SPATA13: variants seen among roughly 807,000 people sequenced by gnomAD.
SPATA13 encodes spermatogenesis associated 13.
In SPATA13, 50 loss-of-function variants were observed where a neutral mutation model predicts 104.0. That is an observed-to-expected ratio of 0.48 (90% confidence interval 0.38 to 0.61). The LOEUF is 0.61. SPATA13 is among the 20% of genes least tolerant of loss of function. The pLI, the probability that SPATA13 is intolerant of heterozygous loss-of-function variation, is 0.00. For synonymous variants in SPATA13, 606 were observed against 667.5 expected, an observed-to-expected ratio of 0.91 and a Z score of 1.42; for missense variants, 1,524 against 1,690.6, an observed-to-expected ratio of 0.90 and a Z score of 1.73.
At chr13:24,053,798 A>G (rs545613700) in intron 3 of SPATA13, among the ~76,000 whole-genome samples, 1 of 152,188 alleles carries the variant, frequency 6.6e-6, no homozygotes, top group African/African-American at 2.4e-5. Flanking sequence ...ACAACCCCTT[A>G]GTTTTCTTGA....
chr13:24,077,365 A>C (rs1216972313), intron 3 of SPATA13, among the ~76,000 whole-genome samples: 1 of 152,132 alleles, frequency 6.6e-6, no homozygotes, highest in African/African-American at 2.4e-5. Context: ...CTGAACCCAA[A>C]ATTGGGATCC....
intron 2 of SPATA13, among the ~76,000 whole-genome samples, chr13:24,229,421 G>A (rs1247137740): frequency 6.6e-6 from 1 of 152,122 alleles, no homozygotes; most frequent in African/African-American, 2.4e-5. Context: ...TCCTGCCGTG[G>A]GTCTTCTCAA....
At chr13:24,146,390 C>T (rs1267334293) in intron 3 of SPATA13, among the ~76,000 whole-genome samples, 3 of 152,198 alleles carry the variant, frequency 2.0e-5, no homozygotes, top group Admixed American at 1.3e-4. Flanking sequence ...GCCAGATCAC[C>T]GAGTACCCTT....
rs539225749 is a variant in SPATA13 at position 24,070,525 on chromosome 13, G to A, written c.-112+52824G>A. Among the ~76,000 whole-genome samples, 117 of 152,216 alleles carry A rather than the reference G, an allele frequency of 7.7e-4. 1 individual carries two copies. Among genetic ancestry groups the A allele is most frequent in the African/African-American group, 2.7e-3 (114 of 41,528 alleles). The stretch of plus-strand genomic sequence containing the variant: ...AGAACTTTACTGATTGATTAGCTTC[G>A]GCCTTACTTTGGGACTATGTGTTTA... On this transcript the variant is annotated intron_variant, in intron 3 of 14. Transcript: ENST00000424834.
In SPATA13 at chr13:24,284,143, G is replaced by A. The variant is rs755213595; in HGVS notation, c.2173G>A (p.Asp725Asn). The A allele has an allele frequency of 6.2e-7, 1 of 1,610,300 alleles. No homozygotes were observed. Among genetic ancestry groups the A allele is most frequent in the Non-Finnish European group, 8.5e-7 (1 of 1,177,266 alleles). ...RQMRASNVSS[D>N]GGTEPSALVD... ...TGTTTTGTATGTTTTAGTTTCTTCA[G>A]ATGGAGGTACTGAGCCCTCTGCCTT... Residue 725 changes from aspartate (D) to asparagine (N), a missense_variant, in exon 5 of 13, where the codon GAT (aspartate) becomes AAT (asparagine). Physicochemically the swap from Asp to Asn is conservative, Grantham distance 23 (BLOSUM62 1). Coordinates refer to ENST00000382108, the MANE Select transcript of SPATA13 (RefSeq NM_001166271.3).
chr13:24,007,037 G>A (rs1876264671), intron 2 of SPATA13, among the ~76,000 whole-genome samples: 1 of 152,200 alleles, frequency 6.6e-6, no homozygotes, highest in South Asian at 2.1e-4. Context: ...CAGTCTGAAG[G>A]CCAGCTTGTG....
upstream of SPATA13, among the ~76,000 whole-genome samples, chr13:24,159,544 G>C (rs970137718): frequency 2.0e-5 from 3 of 152,058 alleles, no homozygotes; most frequent in Non-Finnish European, 4.4e-5. Context: ...TCTTACATTC[G>C]AGTGGCACAT....
chr13:24,212,296 GAAAA>G (rs11288795), intron 1 of SPATA13, among the ~76,000 whole-genome samples: 56 of 134,294 alleles, frequency 4.2e-4, no homozygotes, highest in South Asian at 1.4e-3. Context: ...CCCTGTTTAA[GAAAA>G]AAAAAAAAAA....
At chr13:24,234,125 T>C (rs1365555578) in intron 2 of SPATA13, among the ~76,000 whole-genome samples, 1 of 152,188 alleles carries the variant, frequency 6.6e-6, no homozygotes, top group African/African-American at 2.4e-5. Flanking sequence ...TGCCAACTCT[T>C]ATAGAAATTA....
At chr13:24,052,603 G>A (rs543146760) in intron 3 of SPATA13, among the ~76,000 whole-genome samples, 1 of 151,864 alleles carries the variant, frequency 6.6e-6, no homozygotes, top group African/African-American at 2.4e-5. Context: ...TGAAAGCCAG[G>A]CTGTGGATAC....
At chr13:24,196,034 G>A (rs551021093) in intron 1 of SPATA13, among the ~76,000 whole-genome samples, 1 of 152,058 alleles carries the variant, frequency 6.6e-6, no homozygotes, top group Non-Finnish European at 1.5e-5. Context: ...CTTGATTTTT[G>A]TGCCTTAATT....
intron 3 of SPATA13, among the ~76,000 whole-genome samples, chr13:24,027,026 T>A (rs966590852): frequency 1.3e-4 from 20 of 152,122 alleles, no homozygotes; most frequent in Admixed American, 5.2e-4. Context: ...TTTGTATTTT[T>A]AAATATATAG....
In SPATA13 at chr13:24,251,863, G is replaced by A; in HGVS notation, c.2164+1G>A. On this transcript the variant is annotated splice_donor_variant, in intron 4 of 12. Transcript: ENST00000382108. LOFTEE classifies it high-confidence loss of function. ...CGGCGGCAGATGAGAGCATCCAACG[G>A]TGAGTCTCAGAGTCCCTTTCCTTTC... The A allele has an allele frequency of 1.2e-6, 2 of 1,613,144 alleles. No homozygotes were observed. Among genetic ancestry groups the A allele is most frequent in the Non-Finnish European group, 1.7e-6 (2 of 1,179,404 alleles).
At position 23,999,124 on chromosome 13, in the gene SPATA13, G is replaced by T. The variant is rs147804782; in HGVS notation, c.-147+15191G>T. Among the ~76,000 whole-genome samples, 144 of 151,984 alleles carry T rather than the reference G, an allele frequency of 9.5e-4. 2 individuals are homozygous for T. The East Asian group carries it at 0.027, about 29-fold the overall frequency. On this transcript the variant is annotated intron_variant, in intron 2 of 14. Coordinates refer to the SPATA13 transcript ENST00000424834. The stretch of plus-strand genomic sequence containing the variant: ...GTATTGTTAGTAGAGATGGGGTTTT[G>T]CCATGTTGGCCAGGCTGGTCTCGAA...
At chr13:24,201,552 T>C (rs962185576) in intron 1 of SPATA13, among the ~76,000 whole-genome samples, 1 of 152,190 alleles carries the variant, frequency 6.6e-6, no homozygotes, top group African/African-American at 2.4e-5. Context: ...GCGATTCTCC[T>C]GCCTCAGCCT....
intron 3 of SPATA13, among the ~76,000 whole-genome samples, chr13:24,021,569 ATGCCCAAGGAC>A (rs1364490852): frequency 6.6e-6 from 1 of 152,238 alleles, no homozygotes; most frequent in African/African-American, 2.4e-5. Flanking sequence ...TCAAACATAA[ATGCCCAAGGAC>A]TGACTTGTCT....
intron 2 of SPATA13, among the ~76,000 whole-genome samples, chr13:24,229,713 G>A (rs986536726): frequency 5.9e-5 from 9 of 152,086 alleles, no homozygotes; most frequent in African/African-American, 1.7e-4. Context: ...TAAAAAAAAA[G>A]CATAAGAGTT....
At chr13:24,068,891 T>C (rs1169535799) in intron 3 of SPATA13, among the ~76,000 whole-genome samples, 1 of 152,198 alleles carries the variant, frequency 6.6e-6, no homozygotes, top group Non-Finnish European at 1.5e-5. Flanking sequence ...TTAAGTTCCT[T>C]ATAGATGCTG....
At chr13:24,059,127 A>G (rs1278129809) in intron 3 of SPATA13, among the ~76,000 whole-genome samples, 1 of 151,352 alleles carries the variant, frequency 6.6e-6, no homozygotes, top group Non-Finnish European at 1.5e-5. Context: ...GCCCACCACC[A>G]TGTCCTGCTA....
Sources: allele counts gnomAD v4.1 joint callset (sites outside exome capture counted in the v4.1 genomes callset), GRCh38; gene constraint gnomAD v4.1.1; transcripts MANE v1.5; gene names NCBI Gene and HGNC (gene_info 2026-07-23, HGNC 2026-07-21).